Variants in PABIR3 observed in about 807,000 individuals in gnomAD.
PABIR3 encodes the protein PABIR family member 3.
Under a neutral mutation model 23.1 loss-of-function variants are expected in PABIR3, and 20 were observed. The ratio of observed to expected loss-of-function variants is 0.86; its 90% CI spans 0.61 to 1.26. The LOEUF is 1.26. Among genes scored for constraint, PABIR3 ranks in the 50% most tolerant of loss-of-function variants. PABIR3 has a pLI of 0.00. For synonymous variants in PABIR3, 69 were observed against 68.5 expected (o/e 1.01, Z -0.04); for missense variants, 189 against 195.4 (o/e 0.97, Z 0.20).
At chrX:134,851,666 T>C (rs1427474820) in intron 9 of PABIR3, among the ~76,000 whole-genome samples, 2 of 112,236 alleles carry the variant, frequency 1.8e-5, no homozygotes, top group Non-Finnish European at 3.8e-5. Flanking sequence ...AATTTTCTTT[T>C]ATGAGGAATA....
At chrX:134,817,424 G>A (rs1455722643) in intron 3 of PABIR3, among the ~76,000 whole-genome samples, 1 of 104,760 alleles carries the variant, frequency 9.5e-6, no homozygotes, top group Non-Finnish European at 1.9e-5. Context: ...TCTACTCAAC[G>A]AAGCCAACAT....
At chrX:134,854,063 A>C in intron 10 of PABIR3, 28 bp from the exon 11 acceptor site, 1 of 1,207,467 alleles carries the variant, frequency 8.3e-7, no homozygotes, top group Non-Finnish European at 1.1e-6. Context: ...GAGTTCTGCT[A>C]TCAATGAGTG....
intron 4 of PABIR3, among the ~76,000 whole-genome samples, chrX:134,837,812 C>T (rs189138187): frequency 3.6e-5 from 4 of 112,189 alleles, no homozygotes; most frequent in Admixed American, 2.9e-4. Flanking sequence ...TTTCACAAAA[C>T]TACCTGCTCT....
At chrX:134,807,120 G>A, upstream of PABIR3, 1 of 759,730 alleles carries the variant, frequency 1.3e-6, no homozygotes, top group Non-Finnish European at 1.6e-6. Context: ...GCTGACTAAG[G>A]CGCCTGAAGT....
At chrX:134,811,577 G>T (rs1395638563) in intron 2 of PABIR3, among the ~76,000 whole-genome samples, 1 of 110,131 alleles carries the variant, frequency 9.1e-6, no homozygotes, top group Non-Finnish European at 1.9e-5. Context: ...TAGTAGAGAC[G>T]GGTTTCACTA....
At chrX:134,851,643 C>T (rs1466613642) in intron 9 of PABIR3, among the ~76,000 whole-genome samples, 2 of 111,442 alleles carry the variant, frequency 1.8e-5, no homozygotes, top group Non-Finnish European at 3.8e-5. Flanking sequence ...CTGGTTTTAG[C>T]AAAGAAAGAT....
chrX:134,820,121 A>G (rs749402753), intron 3 of PABIR3, among the ~76,000 whole-genome samples: 14 of 111,303 alleles, frequency 1.3e-4, no homozygotes, highest in African/African-American at 4.6e-4. Context: ...CCCAGGGTTC[A>G]AAATCAATGG....
intron 2 of PABIR3, among the ~76,000 whole-genome samples, chrX:134,812,553 C>G (rs972392171): frequency 9.0e-5 from 10 of 111,558 alleles, no homozygotes; most frequent in African/African-American, 3.3e-4. Flanking sequence ...AATATAAATA[C>G]TAGAAGGACT....
intron 4 of PABIR3, among the ~76,000 whole-genome samples, chrX:134,842,017 C>T (rs976148819): frequency 9.0e-6 from 1 of 110,735 alleles, no homozygotes; most frequent in Non-Finnish European, 1.9e-5. Flanking sequence ...AACAAAAAAA[C>T]TATCCTAATG....
intron 1 of PABIR3, among the ~76,000 whole-genome samples, chrX:134,802,003 C>A (rs2080078078): frequency 9.1e-6 from 1 of 109,536 alleles, no homozygotes; most frequent in African/African-American, 3.3e-5. Context: ...CAGACACGAA[C>A]CACACTCTCT....
chrX:134,860,740 A>G, the PABIR3 span, among the ~76,000 whole-genome samples: 1 of 112,203 alleles, frequency 8.9e-6, no homozygotes, highest in Non-Finnish European at 1.9e-5. Flanking sequence ...CATGTAAAAT[A>G]ATGAAATTGG....
At chrX:134,840,225 A>T (rs2082176860) in intron 4 of PABIR3, among the ~76,000 whole-genome samples, 1 of 111,239 alleles carries the variant, frequency 9.0e-6, no homozygotes, top group South Asian at 3.8e-4. Context: ...ACACTGCGGA[A>T]GGCCGCAGGG....
intron 8 of PABIR3, among the ~76,000 whole-genome samples, chrX:134,848,181 G>C: frequency 9.1e-6 from 1 of 110,445 alleles, no homozygotes; most frequent in East Asian, 2.8e-4. Context: ...ACCTGAGGTA[G>C]GAAGTTCAAG....
upstream of PABIR3, chrX:134,804,333 C>G (rs1336333737): frequency 7.9e-5 from 62 of 782,915 alleles, no homozygotes; most frequent in Non-Finnish European, 1.1e-4. Flanking sequence ...ATATAGAATT[C>G]TTGCTGTTTT....
intron 2 of PABIR3, chrX:134,809,159 C>A: frequency 6.7e-6 from 1 of 148,457 alleles, no homozygotes; most frequent in Non-Finnish European, 1.3e-5. Flanking sequence ...ATTACTAAAT[C>A]TTGTTTCCTT....
upstream of PABIR3, chrX:134,804,301 ATGT>A: frequency 1.0e-6 from 1 of 972,460 alleles, no homozygotes; most frequent in South Asian, 2.1e-5. Flanking sequence ...AATTTCTTTA[ATGT>A]TGTGTTTGCC....
upstream of PABIR3, among the ~76,000 whole-genome samples, chrX:134,805,596 G>A (rs1339583567): frequency 8.9e-6 from 1 of 112,111 alleles, no homozygotes; most frequent in East Asian, 2.8e-4. Flanking sequence ...ATCCAGATAA[G>A]TATGTGAAAA....
chrX:134,799,387 T>C (rs189429283), intron 1 of PABIR3, among the ~76,000 whole-genome samples: 1 of 112,604 alleles, frequency 8.9e-6, no homozygotes, highest in East Asian at 2.8e-4. Context: ...CTTTAACTTC[T>C]TACAGTTTTA....
chrX:134,824,631 C>G (rs1231695400), intron 3 of PABIR3, among the ~76,000 whole-genome samples: 2 of 110,827 alleles, frequency 1.8e-5, no homozygotes, highest in Non-Finnish European at 3.8e-5. Context: ...GAAACCCTGT[C>G]TCTACTAAAA....
Sources: allele counts gnomAD v4.1 joint callset (sites outside exome capture counted in the v4.1 genomes callset), GRCh38; gene constraint gnomAD v4.1.1; transcripts MANE v1.5; gene names NCBI Gene and HGNC (gene_info 2026-07-23, HGNC 2026-07-21).